INSR: variants seen among roughly 807,000 people sequenced by gnomAD.
INSR encodes IR.
Under a neutral mutation model 142.6 loss-of-function variants are expected in INSR, and 67 were observed. The ratio of observed to expected loss-of-function variants is 0.47; its 90% CI spans 0.39 to 0.58. The LOEUF is 0.58. INSR is among the 20% of genes least tolerant of loss of function. INSR has a pLI of 0.00. For missense variants in INSR, 1,248 were observed against 1,833.2 expected (o/e 0.68, Z 5.83); for synonymous variants, 756 against 743.1 (o/e 1.02, Z -0.28).
At chr19:7,283,696 T>C (rs964441906) in intron 1 of INSR, among the ~76,000 whole-genome samples, 2 of 152,156 alleles carry the variant, frequency 1.3e-5, no homozygotes, top group African/African-American at 2.4e-5. Flanking sequence ...TGCCTCGGCC[T>C]CCCAAAGTGC....
At chr19:7,139,897 C>T (rs533161130) in intron 13 of INSR, among the ~76,000 whole-genome samples, 2 of 146,702 alleles carry the variant, frequency 1.4e-5, no homozygotes, top group South Asian at 2.1e-4. Flanking sequence ...GATCTTGGCT[C>T]ACTGCAACCT....
At chr19:7,148,698 G>A (rs1159399927) in intron 11 of INSR, among the ~76,000 whole-genome samples, 3 of 148,120 alleles carry the variant, frequency 2.0e-5, no homozygotes, top group Non-Finnish European at 4.5e-5. Context: ...GGCTGGTCTC[G>A]AACTCCTGGC....
intron 2 of INSR, among the ~76,000 whole-genome samples, chr19:7,205,707 C>G (rs1184992536): frequency 6.6e-6 from 1 of 152,108 alleles, no homozygotes; most frequent in Non-Finnish European, 1.5e-5. Context: ...ACCCCTCACA[C>G]CCCCCACGCC....
intron 1 of INSR, among the ~76,000 whole-genome samples, chr19:7,277,965 T>C (rs1339925345): frequency 6.8e-6 from 1 of 146,156 alleles, no homozygotes; most frequent in Admixed American, 6.9e-5. Context: ...ACGGTAGCGC[T>C]CGCCTGTAAT....
At chr19:7,226,026 G>T (rs1006486943) in intron 2 of INSR, among the ~76,000 whole-genome samples, 3 of 152,216 alleles carry the variant, frequency 2.0e-5, no homozygotes, top group Non-Finnish European at 4.4e-5. Flanking sequence ...AAGCCAAGAT[G>T]ACAACGTCTC....
intron 2 of INSR, among the ~76,000 whole-genome samples, chr19:7,244,524 C>A (rs1368072470): frequency 1.1e-5 from 1 of 90,928 alleles, no homozygotes; most frequent in African/African-American, 7.7e-5. Context: ...CAGGGCGAGA[C>A]TCTGTCTCAA....
At chr19:7,257,722 G>A (rs539563955) in intron 2 of INSR, among the ~76,000 whole-genome samples, 2 of 151,910 alleles carry the variant, frequency 1.3e-5, no homozygotes, top group South Asian at 2.1e-4. Context: ...AAGGAAAGAG[G>A]GAAGGAAGGA....
chr19:7,276,463 G>A (rs1170706981), intron 1 of INSR, among the ~76,000 whole-genome samples: 1 of 151,764 alleles, frequency 6.6e-6, no homozygotes, highest in Non-Finnish European at 1.5e-5. Flanking sequence ...TTCTTAAAAT[G>A]CTCCCTGCTG....
intron 1 of INSR, among the ~76,000 whole-genome samples, chr19:7,288,326 C>T (rs1290019943): frequency 6.6e-6 from 1 of 152,068 alleles, no homozygotes; most frequent in African/African-American, 2.4e-5. Flanking sequence ...CATAGCTAGA[C>T]TCTGTCTCTA....
intron 13 of INSR, among the ~76,000 whole-genome samples, chr19:7,132,522 C>T (rs1450478752): frequency 6.6e-6 from 1 of 151,974 alleles, no homozygotes; most frequent in Non-Finnish European, 1.5e-5. Context: ...CAGAGGTTAT[C>T]ATTATCGGTA....
chr19:7,166,317 C>A lies in INSR; in HGVS notation c.1698G>T (p.Arg566Ser), dbSNP rs1973887957. Residue 566 changes from arginine to serine, a missense_variant, in exon 8 of 22, where the codon AGG (arginine) becomes AGT (serine). This residue lies in a region of INSR where 1,069 missense variants were observed against 1,654.0 expected (regional missense o/e 0.65). Transcript: ENST00000302850. The surrounding 1 kb of genome is among the most constrained non-coding windows in gnomAD (Gnocchi z 4.1). ...GGTTCTGTGATTTGGGGTCGTTGGA[C>A]CTCAGGGGTGGGTCAATGTCTACCA... ...WTVVDIDPPLRSNDPKSQNHP... is the reference protein window; with the variant it reads ...WTVVDIDPPLSSNDPKSQNHP... The A allele has an allele frequency of 6.2e-7, 1 of 1,614,018 alleles. No individual in the cohort carries two copies. The highest frequency in any genetic ancestry group is 8.5e-7 in the Non-Finnish European group (1 of 1,180,046).
Position 7,166,365 on chromosome 19 carries a change from C to A in INSR, c.1650G>T (p.Ala550=). The A allele has an allele frequency of 6.2e-7, 1 of 1,613,740 alleles. No homozygotes were observed. The highest frequency in any genetic ancestry group is 8.5e-7 in the Non-Finnish European group (1 of 1,179,910). Residue 550 remains alanine, a synonymous_variant, in exon 8 of 22, where the codon GCG becomes GCT. Transcript: ENST00000302850. The surrounding 1 kb of genome is among the most constrained non-coding windows in gnomAD (Gnocchi z 4.1). ...QNVTEFDGQD[A]CGSNSWTVVD... ...CCACCGTCCAACTGTTGGAACCACA[C>A]GCATCCTGCCCGTCGAACTCCGTCA...
chr19:7,141,490 G>A (rs1973068114), intron 13 of INSR, 187 bp downstream of exon 13: 1 of 728,072 alleles, frequency 1.4e-6, no homozygotes, highest in African/African-American at 1.8e-5. Flanking sequence ...GTAACAAGCT[G>A]GTAGATTGGC....
At chr19:7,174,194 A>T (rs1974083244) in intron 4 of INSR, among the ~76,000 whole-genome samples, 1 of 151,894 alleles carries the variant, frequency 6.6e-6, no homozygotes, top group African/African-American at 2.4e-5. Context: ...TGGGAGGCTG[A>T]GGTAGGAGGA....
chr19:7,162,151 A>AC (rs1973767666), intron 9 of INSR, among the ~76,000 whole-genome samples: 1 of 151,710 alleles, frequency 6.6e-6, no homozygotes, highest in Non-Finnish European at 1.5e-5. Flanking sequence ...ACATGGTGAA[A>AC]CCCCATCTCT....
intron 9 of INSR, 69 bp from the exon 10 acceptor site, chr19:7,152,996 CCCCACACACA>C (rs1973417469): frequency 2.7e-6 from 2 of 749,308 alleles, no homozygotes; most frequent in Admixed American, 2.3e-5. Context: ...CACACACACA[CCCCACACACA>C]CACACACCAC....
At chr19:7,207,214 G>A (rs1446660098) in intron 2 of INSR, among the ~76,000 whole-genome samples, 3 of 151,998 alleles carry the variant, frequency 2.0e-5, no homozygotes, top group Admixed American at 1.3e-4. Flanking sequence ...TCGGGAGTTC[G>A]AGACCAGCCT....
intron 2 of INSR, among the ~76,000 whole-genome samples, chr19:7,260,483 C>G (rs528187678): frequency 6.6e-6 from 1 of 152,288 alleles, no homozygotes; most frequent in Admixed American, 6.5e-5. Context: ...GCTGTTGGCA[C>G]CCAAAAATCA....
intron 2 of INSR, among the ~76,000 whole-genome samples, chr19:7,221,342 C>A (rs1359685252): frequency 6.7e-6 from 1 of 148,878 alleles, no homozygotes; most frequent in Non-Finnish European, 1.5e-5. Context: ...CCACTGCACT[C>A]GAGCCTGGGC....
Sources: allele counts gnomAD v4.1 joint callset (sites outside exome capture counted in the v4.1 genomes callset), GRCh38; gene constraint gnomAD v4.1.1; regional missense constraint gnomAD v4.1.1; non-coding constraint Gnocchi (gnomAD v3.1); transcripts MANE v1.5; gene names NCBI Gene and HGNC (gene_info 2026-07-23, HGNC 2026-07-21).